Variants in KIFAP3 observed in about 807,000 individuals in gnomAD.
KIFAP3 encodes kinesin associated protein 3.
In KIFAP3, 68 loss-of-function variants were observed where a neutral mutation model predicts 106.5. The ratio of observed to expected loss-of-function variants is 0.64; its 90% CI spans 0.53 to 0.78. The LOEUF (loss-of-function observed/expected upper bound fraction) is 0.78. Among genes scored for constraint, KIFAP3 ranks in the 30% least tolerant of loss-of-function variants. The pLI is 0.00. For synonymous variants in KIFAP3, 320 were observed against 311.5 expected (o/e 1.03, Z -0.29); for missense variants, 780 against 941.8 (o/e 0.83, Z 2.25).
chr1:169,952,117 C>T (rs1170039863), intron 19 of KIFAP3, among the ~76,000 whole-genome samples: 1 of 151,872 alleles, frequency 6.6e-6, no homozygotes, highest in Non-Finnish European at 1.5e-5. Flanking sequence ...CCATGTTTAG[C>T]TTTTATTTCC....
intron 2 of KIFAP3, among the ~76,000 whole-genome samples, chr1:170,051,668 T>C (rs765070443): frequency 1.1e-4 from 16 of 152,048 alleles, no homozygotes; most frequent in Non-Finnish European, 1.6e-4. Context: ...TGCAATCAAA[T>C]TAGAACTCAG....
At chr1:170,066,891 T>A (rs935954152) in intron 1 of KIFAP3, among the ~76,000 whole-genome samples, 3 of 152,072 alleles carry the variant, frequency 2.0e-5, no homozygotes, top group Non-Finnish European at 4.4e-5. Context: ...CTAACATAAA[T>A]AAAATATAAT....
chr1:170,035,424 G>T, intron 6 of KIFAP3, 30 bp downstream of exon 6: 1 of 1,358,598 alleles, frequency 7.4e-7, no homozygotes, highest in Non-Finnish European at 1.0e-6. Context: ...AGATACAGTA[G>T]CCTTTTTATT....
intron 19 of KIFAP3, among the ~76,000 whole-genome samples, chr1:169,936,021 T>A (rs1663780342): frequency 6.6e-6 from 1 of 151,958 alleles, no homozygotes; most frequent in African/African-American, 2.4e-5. Context: ...TCATAATTAA[T>A]CCTTTAACTC....
chr1:170,019,964 A>G (rs983840383), intron 9 of KIFAP3, among the ~76,000 whole-genome samples: 1 of 152,258 alleles, frequency 6.6e-6, no homozygotes, highest in Admixed American at 6.5e-5. Context: ...CAGTACAACT[A>G]AAAAGTGTGT....
At chr1:169,950,179 TTG>T (rs1364338381) in intron 19 of KIFAP3, among the ~76,000 whole-genome samples, 1 of 152,156 alleles carries the variant, frequency 6.6e-6, no homozygotes, top group African/African-American at 2.4e-5. Flanking sequence ...AAAAAAACCC[TTG>T]TGTCATACAA....
At chr1:169,940,428 C>A (rs1334476579) in intron 19 of KIFAP3, among the ~76,000 whole-genome samples, 2 of 152,126 alleles carry the variant, frequency 1.3e-5, no homozygotes, top group East Asian at 1.9e-4. Flanking sequence ...AGCCCCGAAC[C>A]TTTTTGGCAC....
chr1:170,076,502 TAAAA>T (rs535274845), upstream of KIFAP3, among the ~76,000 whole-genome samples: 1 of 150,980 alleles, frequency 6.6e-6, no homozygotes, highest in Non-Finnish European at 1.5e-5. Context: ...ATTAAATAAA[TAAAA>T]AAAAGAAATC....
At chr1:170,046,953 AATT>A in intron 2 of KIFAP3, 87 bp from the exon 3 acceptor site, 1 of 735,702 alleles carries the variant, frequency 1.4e-6, no homozygotes, top group Non-Finnish European at 1.9e-6. Flanking sequence ...ATAGATTATA[AATT>A]ATTATAGAGA....
chr1:170,000,060 TGTGAA>T (rs1667580387), intron 10 of KIFAP3, among the ~76,000 whole-genome samples: 1 of 152,108 alleles, frequency 6.6e-6, no homozygotes, highest in Non-Finnish European at 1.5e-5. Context: ...TTTTTTCATC[TGTGAA>T]GTGATCAGTA....
chr1:170,043,246 T>C (rs1047413826), intron 3 of KIFAP3, among the ~76,000 whole-genome samples: 4 of 152,174 alleles, frequency 2.6e-5, no homozygotes, highest in African/African-American at 9.7e-5. Flanking sequence ...GGTTTCAAAA[T>C]GCTGCAGAGT....
At chr1:169,940,911 ATGTGTGTGTGTGTGTGTGTGTGTG>A (rs3838394) in intron 19 of KIFAP3, among the ~76,000 whole-genome samples, 5 of 148,024 alleles carry the variant, frequency 3.4e-5, no homozygotes, top group Admixed American at 6.8e-5. Flanking sequence ...TTTAAGAATT[ATGTGTGTGTGTGTGTGTGTGTGTG>A]TGTGTGTGTG....
At chr1:170,075,780 G>C (rs954794298), upstream of KIFAP3, among the ~76,000 whole-genome samples, 3 of 152,126 alleles carry the variant, frequency 2.0e-5, no homozygotes, top group African/African-American at 7.2e-5. Context: ...TCTTACTAAA[G>C]TGTTACAAAA....
intron 4 of KIFAP3, among the ~76,000 whole-genome samples, chr1:170,038,938 C>T (rs985524329): frequency 6.6e-6 from 1 of 152,088 alleles, no homozygotes; most frequent in African/African-American, 2.4e-5. Flanking sequence ...CAAAAATTAG[C>T]TGGGCGTGGT....
intron 19 of KIFAP3, among the ~76,000 whole-genome samples, chr1:169,931,109 G>A (rs1364468048): frequency 6.6e-6 from 1 of 151,652 alleles, no homozygotes; most frequent in African/African-American, 2.4e-5. Flanking sequence ...TAGTAGAGAT[G>A]GGGTTTTGCC....
chr1:170,067,439 G>A (rs1671501142), intron 1 of KIFAP3: 1 of 152,234 alleles, frequency 6.6e-6, no homozygotes. Context: ...GCAACCAAGT[G>A]AATGTTTAAT....
intron 3 of KIFAP3, chr1:170,041,769 G>A: frequency 1.3e-6 from 2 of 1,533,128 alleles, no homozygotes; most frequent in South Asian, 1.2e-5. Context: ...CATCCCTTTT[G>A]CCTTCTCCTG....
At chr1:170,001,699 C>A (rs1404985050) in intron 10 of KIFAP3, among the ~76,000 whole-genome samples, 1 of 151,964 alleles carries the variant, frequency 6.6e-6, no homozygotes, top group East Asian at 1.9e-4. Flanking sequence ...AACAGAACAA[C>A]CAAACCAATT....
intron 17 of KIFAP3, among the ~76,000 whole-genome samples, chr1:169,961,522 C>T (rs143946445): frequency 6.4e-4 from 97 of 152,106 alleles, no homozygotes; most frequent in African/African-American, 1.8e-3. Flanking sequence ...AGAATTTAAG[C>T]GAGCAGTAAG....
Sources: gnomAD v4.1 joint callset for allele counts (sites outside exome capture counted in the v4.1 genomes callset) on GRCh38, gnomAD v4.1.1 for gene constraint, MANE v1.5 for transcripts, NCBI Gene and HGNC (gene_info 2026-07-23, HGNC 2026-07-21) for gene names.